PREX2: variants seen among roughly 807,000 people sequenced by gnomAD.
PREX2 encodes phosphatidylinositol-3,4,5-trisphosphate dependent Rac exchange factor 2.
A neutral mutation model predicts 203.2 loss-of-function variants in PREX2; 107 were observed. That is an observed-to-expected ratio of 0.53 (90% confidence interval 0.45 to 0.62). The LOEUF is 0.62. Among genes scored for constraint, PREX2 ranks in the 20% least tolerant of loss-of-function variants. The pLI is 0.00. For missense variants in PREX2, 1,777 were observed against 1,955.9 expected (o/e 0.91, Z 1.72); for synonymous variants, 672 against 663.6 (o/e 1.01, Z -0.19).
At chr8:68,007,641 G>C (rs148557796) in intron 1 of PREX2, among the ~76,000 whole-genome samples, 2 of 152,094 alleles carry the variant, frequency 1.3e-5, no homozygotes, top group South Asian at 4.1e-4. Context: ...ACGGAGTCTC[G>C]CTTTGTCGCC....
intron 1 of PREX2, among the ~76,000 whole-genome samples, chr8:67,970,646 A>G (rs1805901360): frequency 6.6e-6 from 1 of 152,226 alleles, no homozygotes; most frequent in African/African-American, 2.4e-5. Flanking sequence ...TTCTTGATCA[A>G]GAGGTAATCC....
At chr8:68,000,714 G>A (rs1806913435) in intron 1 of PREX2, among the ~76,000 whole-genome samples, 1 of 152,162 alleles carries the variant, frequency 6.6e-6, no homozygotes, top group Non-Finnish European at 1.5e-5. Flanking sequence ...CAGGGCTACA[G>A]TAATCAAAAC....
At chr8:67,978,578 A>T (rs780786308) in intron 1 of PREX2, among the ~76,000 whole-genome samples, 7 of 152,186 alleles carry the variant, frequency 4.6e-5, no homozygotes, top group Non-Finnish European at 5.9e-5. Context: ...ATCCCATTAT[A>T]TGAATGTAAT....
intron 1 of PREX2, among the ~76,000 whole-genome samples, chr8:67,991,662 C>T (rs10108482): frequency 0.093 from 14,167 of 152,116 alleles, 1,689 homozygotes; most frequent in African/African-American, 0.28. Flanking sequence ...TCCCTTGACA[C>T]GTGGGGAGCA....
intron 37 of PREX2, among the ~76,000 whole-genome samples, chr8:68,198,347 G>A (rs1025037639): frequency 6.6e-6 from 1 of 152,070 alleles, no homozygotes; most frequent in Non-Finnish European, 1.5e-5. Flanking sequence ...TGCTTTGTAG[G>A]CAGAGTTACT....
rs753817731 is a variant in PREX2 at position 68,127,439 on chromosome 8, T to G, written c.3766+20T>G. On this transcript the variant is annotated intron_variant, in intron 31 of 39. Coordinates refer to ENST00000288368, the MANE Select transcript of PREX2 (RefSeq NM_024870.4). ...ATTCAGGTAACATTTTGCATTTTATTTTTTTTTACTATTTAAGTGATTGTG... is the reference window on the plus strand; with the variant it reads ...ATTCAGGTAACATTTTGCATTTTATGTTTTTTTACTATTTAAGTGATTGTG... 9.5e-6 allele frequency: 15 copies of G among 1,577,764 alleles called. No individual in the cohort carries two copies. Among genetic ancestry groups the G allele is most frequent in the Non-Finnish European group, 1.1e-5 (13 of 1,149,320 alleles).
At chr8:67,973,061 ACT>A (rs1199787009) in intron 1 of PREX2, among the ~76,000 whole-genome samples, 5 of 151,798 alleles carry the variant, frequency 3.3e-5, no homozygotes, top group African/African-American at 9.7e-5. Context: ...TTGTTCAGCC[ACT>A]CTCAATGCCG....
chr8:68,136,620 T>A (rs1811117403), intron 32 of PREX2, among the ~76,000 whole-genome samples: 1 of 152,232 alleles, frequency 6.6e-6, no homozygotes, highest in African/African-American at 2.4e-5. Flanking sequence ...TTCAGTCCTG[T>A]CCTTTCTTTC....
Position 68,188,363 on chromosome 8 carries a change from A to G in PREX2, c.4347-3359A>G, listed in dbSNP as rs144228679. ...CCCACTTCAAATGAACTTACAAAACATAATTCCAAAGCACATGAGGAAACC... is the reference window on the plus strand; with the variant it reads ...CCCACTTCAAATGAACTTACAAAACGTAATTCCAAAGCACATGAGGAAACC... On this transcript the variant is annotated intron_variant, in intron 35 of 39. Coordinates refer to ENST00000288368, the MANE Select transcript of PREX2 (RefSeq NM_024870.4). Among the ~76,000 whole-genome samples, 695 of 152,358 alleles carry G rather than the reference A, an allele frequency of 4.6e-3. 6 individuals are homozygous for G. Among genetic ancestry groups the G allele is most frequent in the African/African-American group, 0.016 (675 of 41,582 alleles).
chr8:68,204,793 T>C lies in PREX2; in HGVS notation c.4604+12268T>C, dbSNP rs1332326366. Among the ~76,000 whole-genome samples, 3 of 149,062 alleles carry C rather than the reference T, an allele frequency of 2.0e-5. No homozygotes were observed. In the South Asian group the frequency reaches 6.8e-4, roughly 34 times the overall value. On this transcript the variant is annotated intron_variant, in intron 37 of 39. Coordinates refer to ENST00000288368, the MANE Select transcript of PREX2 (RefSeq NM_024870.4). ...TCCGTCTCCCGGGTTTACACCATTC[T>C]GCCTCAGCCTCCCGAGTAGCTGGGA...
intron 37 of PREX2, among the ~76,000 whole-genome samples, chr8:68,193,770 T>A (rs928495005): frequency 6.6e-6 from 1 of 152,098 alleles, no homozygotes; most frequent in Non-Finnish European, 1.5e-5. Flanking sequence ...TATGTTTGAA[T>A]TGGGTTTTCA....
Position 68,053,120 on chromosome 8 carries a change from A to G in PREX2, c.967A>G (p.Ile323Val), listed in dbSNP as rs374995344. The G allele has an allele frequency of 3.1e-6, 5 of 1,613,294 alleles. No homozygotes were observed. In the African/African-American group the frequency reaches 6.7e-5, roughly 22 times the overall value. The change falls in exon 9 of 40, where the codon ATT (isoleucine) becomes GTT (valine). Residue 323 changes from isoleucine (I) to valine (V), a missense_variant. Physicochemically the swap from Ile to Val is conservative, Grantham distance 29. Coordinates refer to ENST00000288368, the MANE Select transcript of PREX2 (RefSeq NM_024870.4). ...GTADFHSSGH[I>V]VVNGWKIHNT... ...AGCTGATTTCCATAGCAGTGGACAC[A>G]TTGTTGTTAATGGATGGAAGATACA...
At chr8:68,221,630 G>A (rs1812954749) in intron 38 of PREX2, among the ~76,000 whole-genome samples, 1 of 152,134 alleles carries the variant, frequency 6.6e-6, no homozygotes. Flanking sequence ...TAAGTAGAGG[G>A]AGCAATGGCA....
chr8:68,194,776 G>A (rs542975771), intron 37 of PREX2, among the ~76,000 whole-genome samples: 128 of 148,422 alleles, frequency 8.6e-4, no homozygotes, highest in African/African-American at 2.8e-3. Context: ...ACTCCAGCCT[G>A]GGCAACAGAG....
chr8:68,043,523 C>G (rs1808258512), intron 7 of PREX2, among the ~76,000 whole-genome samples: 1 of 152,046 alleles, frequency 6.6e-6, no homozygotes, highest in South Asian at 2.1e-4. Context: ...TTGTGTACAG[C>G]TACATCTTAA....
chr8:68,101,330 T>C, intron 23 of PREX2: 1 of 518,608 alleles, frequency 1.9e-6, no homozygotes, highest in Non-Finnish European at 3.8e-6. Flanking sequence ...ATTTTTTCCT[T>C]TAAACAATTC....
At chr8:68,221,005 T>G (rs1200164066) in intron 38 of PREX2, among the ~76,000 whole-genome samples, 2 of 152,180 alleles carry the variant, frequency 1.3e-5, no homozygotes, top group Non-Finnish European at 1.5e-5. Context: ...TTTTTAATCC[T>G]ATCCCCCTTC....
chr8:68,053,142 T>C lies in PREX2; in HGVS notation c.989T>C (p.Ile330Thr), dbSNP rs1275528365. ...CACATTGTTGTTAATGGATGGAAGA[T>C]ACATAACACAGCAAAAAATAAATGG... The part of the protein sequence containing the change: ...SGHIVVNGWK[I>T]HNTAKNKWFV... Residue 330 changes from isoleucine to threonine, a missense_variant, in exon 9 of 40, where the codon ATA (isoleucine) becomes ACA (threonine). Ile to Thr is a moderately conservative substitution (Grantham distance 89). Coordinates refer to ENST00000288368, the MANE Select transcript of PREX2 (RefSeq NM_024870.4). 6.2e-7 allele frequency: 1 copy of C among 1,613,558 alleles called. No individual in the cohort carries two copies. The highest frequency in any genetic ancestry group is 1.1e-5 in the South Asian group (1 of 91,060).
intron 7 of PREX2, among the ~76,000 whole-genome samples, chr8:68,040,915 T>C (rs1313466665): frequency 6.6e-6 from 1 of 152,208 alleles, no homozygotes; most frequent in Non-Finnish European, 1.5e-5. Context: ...TTTAATGTTA[T>C]TGACATAATA....
Sources: allele counts gnomAD v4.1 joint callset (sites outside exome capture counted in the v4.1 genomes callset), GRCh38; gene constraint gnomAD v4.1.1; transcripts MANE v1.5; gene names NCBI Gene and HGNC (gene_info 2026-07-23, HGNC 2026-07-21).